ABR: variants seen among roughly 807,000 people sequenced by gnomAD.
The protein encoded by ABR is ABR activator of RhoGEF and GTPase.
In ABR, 35 loss-of-function variants were observed where a neutral mutation model predicts 107.2. The observed-to-expected ratio is 0.33, with a 90% CI of 0.25 to 0.43. The LOEUF is 0.43. Among genes scored for constraint, ABR ranks in the 20% least tolerant of loss-of-function variants. ABR has a pLI of 1.00. For synonymous variants in ABR, 498 were observed against 462.0 expected (o/e 1.08, Z -1.00); for missense variants, 815 against 1,115.2 (o/e 0.73, Z 3.83).
At chr17:1,082,786 G>A (rs2036333455) in intron 5 of ABR, among the ~76,000 whole-genome samples, 1 of 152,178 alleles carries the variant, frequency 6.6e-6, no homozygotes, top group African/African-American at 2.4e-5. Context: ...AAGGTGCCAG[G>A]AAATCTGTGT....
chr17:1,178,637 T>TCCACGTGGCC (rs1463826160), intron 1 of ABR, among the ~76,000 whole-genome samples: 2 of 150,928 alleles, frequency 1.3e-5, no homozygotes, highest in African/African-American at 4.9e-5. Context: ...TGAACCAGGC[T>TCCACGTGGCC]CCACGTGGCC....
intron 1 of ABR, among the ~76,000 whole-genome samples, chr17:1,135,048 G>A (rs772747464): frequency 6.6e-6 from 1 of 152,258 alleles, no homozygotes; most frequent in African/African-American, 2.4e-5. Context: ...CTTGAAAGCT[G>A]TGTGGGTGCC....
intron 1 of ABR, among the ~76,000 whole-genome samples, chr17:1,214,689 T>G (rs1037858648): frequency 2.0e-5 from 3 of 151,966 alleles, no homozygotes; most frequent in African/African-American, 7.3e-5. Flanking sequence ...TAATCCCAGC[T>G]ACTCGGGAGG....
chr17:1,215,246 C>CTCTCCCTCTCCCTCTCTCCCCACGG (rs2042976435), intron 1 of ABR, among the ~76,000 whole-genome samples: 10 of 150,776 alleles, frequency 6.6e-5, no homozygotes, highest in African/African-American at 2.2e-4. Context: ...AAAGAAAGAG[C>CTCTCCCTCTCCCTCTCTCCCCACGG]TCTCCCTCTC....
At chr17:1,137,711 A>C (rs565959938) in intron 1 of ABR, among the ~76,000 whole-genome samples, 33 of 152,298 alleles carry the variant, frequency 2.2e-4, no homozygotes, top group African/African-American at 6.5e-4. Context: ...CTGGTGAAAA[A>C]AAACGCAGCA....
intron 4 of ABR, among the ~76,000 whole-genome samples, chr17:1,086,344 C>A (rs954035512): frequency 6.6e-6 from 1 of 152,098 alleles, no homozygotes; most frequent in African/African-American, 2.4e-5. Flanking sequence ...GGGGAAGCCG[C>A]GCACACAGCC....
chr17:1,078,991 A>C lies in ABR; in HGVS notation c.700+339T>G, dbSNP rs1567715706. The C allele has an allele frequency of 1.2e-5, 16 of 1,300,364 alleles. No individual in the cohort carries two copies. The South Asian group carries it at 2.1e-4, about 17-fold the overall frequency. 80.6% of individuals were successfully genotyped at this position (1,300,364 alleles called of 1,614,324 possible). On this transcript the variant is annotated intron_variant, in intron 6 of 22. Coordinates refer to ENST00000302538, the MANE Select transcript of ABR (RefSeq NM_021962.5). The surrounding 1 kb of genome is among the most constrained non-coding windows in gnomAD (Gnocchi z 7.5). ...CTCCAGCATCGGGCAGCCGCTCCGG[A>C]GTGCTCTTCCAGCAAGGGGGAGGGG...
exon 1 of ABR, among the ~76,000 whole-genome samples, chr17:1,229,268 G>A (rs893575747): frequency 6.6e-6 from 1 of 151,682 alleles, no homozygotes; most frequent in East Asian, 2.0e-4. Context: ...GCCGGTGGAC[G>A]GCGTCGGCCC....
intron 1 of ABR, among the ~76,000 whole-genome samples, chr17:1,142,521 G>A (rs1426670780): frequency 6.6e-6 from 1 of 151,326 alleles, no homozygotes; most frequent in Non-Finnish European, 1.5e-5. Flanking sequence ...GGAGGCGGAT[G>A]TTGCAGTGAG....
At chr17:1,144,901 T>A (rs2040467242) in intron 1 of ABR, among the ~76,000 whole-genome samples, 1 of 152,066 alleles carries the variant, frequency 6.6e-6, no homozygotes, top group South Asian at 2.1e-4. Context: ...CCCCTGTAAT[T>A]CCAGCTACTC....
At chr17:1,031,821 C>T in intron 16 of ABR, 1 of 1,126,178 alleles carries the variant, frequency 8.9e-7, no homozygotes, top group Non-Finnish European at 1.1e-6. Context: ...CGCTAGTTCC[C>T]TAGTCCCGCC....
At chr17:1,023,953 A>G (rs1342442025) in intron 16 of ABR, among the ~76,000 whole-genome samples, 1 of 133,418 alleles carries the variant, frequency 7.5e-6, no homozygotes, top group Non-Finnish European at 1.5e-5. Flanking sequence ...TGAACCCAGG[A>G]GGCGGAGGTT....
intron 1 of ABR, among the ~76,000 whole-genome samples, chr17:1,172,994 A>ACC (rs1474834489): frequency 1.8e-5 from 2 of 109,524 alleles, no homozygotes; most frequent in Non-Finnish European, 1.9e-5. Flanking sequence ...ACCTCAGTCC[A>ACC]CCCAACACAT....
intron 16 of ABR, among the ~76,000 whole-genome samples, chr17:1,021,581 G>A (rs1335995303): frequency 5.3e-5 from 8 of 152,208 alleles, no homozygotes; most frequent in South Asian, 2.1e-4. Flanking sequence ...CGAGGCGGGC[G>A]GATCACAAGG....
intron 2 of ABR, among the ~76,000 whole-genome samples, chr17:1,124,606 C>A (rs2039507127): frequency 6.6e-6 from 1 of 152,264 alleles, no homozygotes; most frequent in Non-Finnish European, 1.5e-5. Context: ...TCTCAGAGCA[C>A]ATACTTAATA....
Position 1,050,470 on chromosome 17 carries a change from C to T in ABR, c.1659+67G>A. ...TGGTCCAACCAATGGGCTGGCCGTC[C>T]CCAGCAGACAAGCCACGAGCACGGG... On this transcript the variant is annotated intron_variant, in intron 15 of 22. Coordinates refer to ENST00000302538, the MANE Select transcript of ABR (RefSeq NM_021962.5). The surrounding 1 kb of genome is among the most constrained non-coding windows in gnomAD (Gnocchi z 4.6). 7.0e-7 allele frequency: 1 copy of T among 1,438,082 alleles called. No homozygotes were observed. The highest frequency in any genetic ancestry group is 1.1e-5 in the South Asian group (1 of 87,620). 89.1% of individuals were successfully genotyped at this position (1,438,082 alleles called of 1,614,324 possible). A position where few individuals can be genotyped will look rare whatever the true frequency, so the allele number is the denominator to read the frequency against.
In ABR at chr17:1,078,406, C is replaced by T. The variant is rs1049510732; in HGVS notation, c.700+924G>A. On this transcript the variant is annotated intron_variant, in intron 6 of 22. Transcript: ENST00000302538. This position sits in a 1 kb window ranked among gnomAD's most constrained non-coding sequence, Gnocchi z 7.5. ...CTGGCACCCTCTCGGCTGGCAACGC[C>T]GCCGTCCGGACCATCGCCACCCATC... 1.7e-4 allele frequency among the ~76,000 whole-genome samples: 26 copies of T among 152,284 alleles called. No individual in the cohort carries two copies. The highest frequency in any genetic ancestry group is 2.6e-4 in the Non-Finnish European group (18 of 68,026).
intron 16 of ABR, among the ~76,000 whole-genome samples, chr17:1,048,857 A>G (rs1403467985): frequency 1.3e-5 from 2 of 151,402 alleles, no homozygotes; most frequent in African/African-American, 4.9e-5. Context: ...CAAGAAGCTC[A>G]GCACGCCCAA....
chr17:1,010,403 A>C lies in ABR; in HGVS notation c.2236+326T>G. The C allele has an allele frequency of 2.9e-6, 1 of 341,726 alleles. No homozygotes were observed. The highest frequency in any genetic ancestry group is 5.5e-6 in the Non-Finnish European group (1 of 181,936). 21.2% of individuals were successfully genotyped at this position (341,726 alleles called of 1,614,324 possible). The stretch of plus-strand genomic sequence containing the variant: ...AGCCAGCCTCCTCCTTGGTTCTGGG[A>C]TGCTGGCTTCTGGCCACTCACCTCA... On this transcript the variant is annotated intron_variant, in intron 20 of 22. Coordinates refer to ENST00000302538, the MANE Select transcript of ABR (RefSeq NM_021962.5). This position sits in a 1 kb window ranked among gnomAD's most constrained non-coding sequence, Gnocchi z 4.1.
Sources: gnomAD v4.1 joint callset for allele counts (sites outside exome capture counted in the v4.1 genomes callset) on GRCh38, gnomAD v4.1.1 for gene constraint, Gnocchi (gnomAD v3.1) non-coding constraint, MANE v1.5 for transcripts, NCBI Gene and HGNC (gene_info 2026-07-23, HGNC 2026-07-21) for gene names.